The following CLMN variants were observed in gnomAD, a reference collection of about 807,000 sequenced individuals.
CLMN encodes calmin, also known as calmin (calponin-like, transmembrane).
CLMN carries 57 observed loss-of-function variants against 92.7 expected under a neutral mutation model. The ratio of observed to expected loss-of-function variants is 0.61; its 90% CI spans 0.50 to 0.77. The LOEUF is 0.77. CLMN is among the 30% of genes least tolerant of loss of function. The pLI is 0.00. For missense variants in CLMN, 1,158 were observed against 1,237.5 expected (o/e 0.94, Z 0.96); for synonymous variants, 466 against 470.6 (o/e 0.99, Z 0.13).
intron 2 of CLMN, among the ~76,000 whole-genome samples, chr14:95,226,584 C>CT (rs988443361): frequency 1.7e-4 from 25 of 148,930 alleles, no homozygotes; most frequent in Admixed American, 3.4e-4. Context: ...TCTTCTTCTT[C>CT]TTTTTTTTTT....
At chr14:95,242,108 T>C (rs1049712063) in intron 1 of CLMN, among the ~76,000 whole-genome samples, 1 of 151,824 alleles carries the variant, frequency 6.6e-6, no homozygotes, top group African/African-American at 2.4e-5. Context: ...ATTACACCTG[T>C]GATTCTCAGT....
chr14:95,237,152 A>C (rs1374972026), intron 1 of CLMN, among the ~76,000 whole-genome samples: 1 of 152,246 alleles, frequency 6.6e-6, no homozygotes, highest in Non-Finnish European at 1.5e-5. Flanking sequence ...TTGAAGAGAC[A>C]ATGAAGCCTG....
At chr14:95,268,794 C>A (rs796484632) in intron 1 of CLMN, among the ~76,000 whole-genome samples, 2 of 63,112 alleles carry the variant, frequency 3.2e-5, no homozygotes, top group Non-Finnish European at 5.9e-5. Context: ...CTCTCTCTCT[C>A]TTTTTTTTTT....
intron 1 of CLMN, among the ~76,000 whole-genome samples, chr14:95,281,483 T>C (rs557151254): frequency 6.6e-6 from 1 of 152,372 alleles, no homozygotes; most frequent in East Asian, 1.9e-4. Flanking sequence ...TATTAGATTC[T>C]AGTCACATTC....
chr14:95,237,785 AC>A (rs1898107084), intron 1 of CLMN, among the ~76,000 whole-genome samples: 2 of 151,782 alleles, frequency 1.3e-5, no homozygotes, highest in African/African-American at 4.8e-5. Flanking sequence ...TATATAAGTG[AC>A]CTCCCGAGAT....
At position 95,203,685 on chromosome 14, in the gene CLMN, T is replaced by C. The variant is rs1295290266; in HGVS notation, c.1664A>G (p.Tyr555Cys). 6.8e-6 allele frequency: 11 copies of C among 1,614,198 alleles called. No individual in the cohort carries two copies. Among genetic ancestry groups the C allele is most frequent in the South Asian group, 1.1e-5 (1 of 91,080 alleles). Residue 555 changes from tyrosine (Y) to cysteine (C), a missense_variant, in exon 9 of 13, where the codon TAT (tyrosine) becomes TGT (cysteine). By Grantham distance (194) the Tyr-to-Cys change is radical (BLOSUM62 -2). Coordinates refer to ENST00000298912, the MANE Select transcript of CLMN (RefSeq NM_024734.4). ...MTVEALEEGD[Y>C]FEAIPLKASK... ...GGCTTTTAATGGGATGGCTTCAAAATAGTCTCCCTCCTCTAAAGCTTCTAC... is the reference window on the plus strand; with the variant it reads ...GGCTTTTAATGGGATGGCTTCAAAACAGTCTCCCTCCTCTAAAGCTTCTAC...
chr14:95,295,022 G>A (rs1998051), intron 1 of CLMN, among the ~76,000 whole-genome samples: 20,461 of 152,164 alleles, frequency 0.13, 2,017 homozygotes, highest in African/African-American at 0.28. Flanking sequence ...CTGCTGCTGG[G>A]AGCCACTGGG....
chr14:95,283,980 C>T (rs1438880388), intron 1 of CLMN, among the ~76,000 whole-genome samples: 1 of 152,214 alleles, frequency 6.6e-6, no homozygotes, highest in African/African-American at 2.4e-5. Context: ...CAGAGACCTT[C>T]ATGGCAGCCC....
At chr14:95,198,510 A>C (rs1377830091) in intron 9 of CLMN, among the ~76,000 whole-genome samples, 4 of 151,928 alleles carry the variant, frequency 2.6e-5, no homozygotes, top group Non-Finnish European at 4.4e-5. Context: ...CAAGGGCTGC[A>C]CTTGGGAGCA....
chr14:95,209,149 G>T (rs1052360227), intron 8 of CLMN, among the ~76,000 whole-genome samples: 1 of 152,098 alleles, frequency 6.6e-6, no homozygotes, highest in Non-Finnish European at 1.5e-5. Flanking sequence ...GTATATATAG[G>T]GTTCGGTACT....
chr14:95,217,782 T>C (rs921086508), intron 4 of CLMN, among the ~76,000 whole-genome samples: 24 of 152,278 alleles, frequency 1.6e-4, no homozygotes, highest in Middle Eastern at 3.4e-3. Context: ...AAGCTGAGGT[T>C]TCAAAGTGAG....
chr14:95,191,612 C>T lies in CLMN; in HGVS notation c.2961G>A (p.Leu987=). The T allele has an allele frequency of 1.9e-6, 3 of 1,613,736 alleles. No individual in the cohort carries two copies. The highest frequency in any genetic ancestry group is 2.5e-6 in the Non-Finnish European group (3 of 1,179,952). The change falls in exon 13 of 13, where the codon CTG becomes CTA. Residue 987 remains leucine, a synonymous_variant. Transcript: ENST00000298912. This position sits in a 1 kb window ranked among gnomAD's most constrained non-coding sequence, Gnocchi z 5.3. ...GTGGGAAGAGCAGCAAGCAGTACACCAGGAGCCACAGGAAGAGAATAAAAT... is the reference window on the plus strand; with the variant it reads ...GTGGGAAGAGCAGCAAGCAGTACACTAGGAGCCACAGGAAGAGAATAAAAT... ...MMYFILFLWL[L]VYCLLLFPQL...
In CLMN at chr14:95,187,607, A is replaced by C. The variant is rs1896470520; in HGVS notation, c.*3957T>G. ...CCACTGTGCTCCTACTCCATGGAGA[A>C]ATCAGAGCAGCTCCAACTCAGGGAC... On this transcript the variant is annotated 3_prime_UTR_variant, in exon 13 of 13. Transcript: ENST00000298912. 6.6e-6 allele frequency: 1 copy of C among 152,310 alleles called. No homozygotes were observed. Among genetic ancestry groups the C allele is most frequent in the African/African-American group, 2.4e-5 (1 of 41,466 alleles). 9.4% of individuals were successfully genotyped at this position (152,310 alleles called of 1,614,324 possible). A position where few individuals can be genotyped will look rare whatever the true frequency, so the allele number is the denominator to read the frequency against.
rs958368314 is a variant in CLMN, at chr14:95,259,004, T to C, written c.83-28871A>G. Among the ~76,000 whole-genome samples, 6 of 150,582 alleles carry C rather than the reference T, an allele frequency of 4.0e-5. No individual in the cohort carries two copies. Among genetic ancestry groups the C allele is most frequent in the African/African-American group, 1.5e-4 (6 of 40,438 alleles). ...TGTGTGCGTGGAGAGTGTGTTTGTA[T>C]GTATGTGTGATATGTGTTGTGTGTG... On this transcript the variant is annotated intron_variant, in intron 1 of 12. Transcript: ENST00000298912. The surrounding 1 kb of genome is among the most constrained non-coding windows in gnomAD (Gnocchi z 4.3).
chr14:95,227,115 C>A (rs1317014635), intron 2 of CLMN, among the ~76,000 whole-genome samples: 1 of 152,066 alleles, frequency 6.6e-6, no homozygotes, highest in Non-Finnish European at 1.5e-5. Flanking sequence ...GCAGCCATAA[C>A]CAGCCAGAGA....
chr14:95,205,890 AGAAG>A (rs1344699660), intron 8 of CLMN, among the ~76,000 whole-genome samples: 1 of 152,206 alleles, frequency 6.6e-6, no homozygotes, highest in Non-Finnish European at 1.5e-5. Context: ...CAAAAAGTTA[AGAAG>A]GAAGGACAAT....
At chr14:95,220,649 T>C (rs188049259) in intron 4 of CLMN, among the ~76,000 whole-genome samples, 88 of 152,190 alleles carry the variant, frequency 5.8e-4, no homozygotes, top group African/African-American at 2.1e-3. Context: ...GGGAGGGGAC[T>C]ATTGGGAAGC....
At chr14:95,309,480 C>T (rs1901433593) in intron 1 of CLMN, among the ~76,000 whole-genome samples, 3 of 152,222 alleles carry the variant, frequency 2.0e-5, no homozygotes, top group South Asian at 2.1e-4. Flanking sequence ...GAGGACACGA[C>T]GATGCCACCC....
chr14:95,194,112 C>T lies in CLMN; in HGVS notation c.2770-193G>A. On this transcript the variant is annotated intron_variant, in intron 11 of 12. Coordinates refer to ENST00000298912, the MANE Select transcript of CLMN (RefSeq NM_024734.4). The surrounding 1 kb of genome is among the most constrained non-coding windows in gnomAD (Gnocchi z 4.0). ...CTCTACCTCCTCCCCTAAGCCCCTCCCTTGTGAGTGCGAGAGACCCCACCA... is the reference window on the plus strand; with the variant it reads ...CTCTACCTCCTCCCCTAAGCCCCTCTCTTGTGAGTGCGAGAGACCCCACCA... 1 of 1,422,698 alleles carries T rather than the reference C, an allele frequency of 7.0e-7. No individual in the cohort carries two copies. Among genetic ancestry groups the T allele is most frequent in the South Asian group, 1.6e-5 (1 of 63,380 alleles). The allele number at this position is 1,422,698 out of a possible 1,614,324, so 88.1% of individuals were successfully genotyped here.
Sources: allele counts gnomAD v4.1 joint callset (sites outside exome capture counted in the v4.1 genomes callset), GRCh38; gene constraint gnomAD v4.1.1; non-coding constraint Gnocchi (gnomAD v3.1); transcripts MANE v1.5; gene names NCBI Gene and HGNC (gene_info 2026-07-23, HGNC 2026-07-21).